Variants in SLC9A9 observed in about 807,000 individuals in gnomAD.
SLC9A9 encodes the protein solute carrier family 9 member A9, also known as sodium/hydrogen exchanger 9.
Under a neutral mutation model 77.8 loss-of-function variants are expected in SLC9A9, and 62 were observed. The observed-to-expected ratio is 0.80, with a 90% confidence interval of 0.65 to 0.98. The LOEUF is 0.98. Ranked by LOEUF, SLC9A9 falls within the 50% of genes least tolerant of loss-of-function variation. The pLI is 0.00. For missense variants in SLC9A9, 775 were observed against 774.9 expected (o/e 1.00, Z 0.00); for synonymous variants, 320 against 283.5 (o/e 1.13, Z -1.29).
intron 1 of SLC9A9, among the ~76,000 whole-genome samples, chr3:143,843,281 C>T (rs189621969): frequency 2.0e-5 from 3 of 152,184 alleles, no homozygotes; most frequent in Non-Finnish European, 2.9e-5. Flanking sequence ...TGTCCAACAA[C>T]CCAATTTAAT....
At chr3:143,449,841 T>TTA (rs1205742844) in intron 12 of SLC9A9, among the ~76,000 whole-genome samples, 1 of 15,430 alleles carries the variant, frequency 6.5e-5, no homozygotes, top group Non-Finnish European at 7.9e-5. Flanking sequence ...ATTATATGTA[T>TTA]TATATATATA....
intron 2 of SLC9A9, among the ~76,000 whole-genome samples, chr3:143,829,290 C>A (rs548627490): frequency 6.6e-6 from 1 of 152,200 alleles, no homozygotes; most frequent in South Asian, 2.1e-4. Flanking sequence ...ATCCTGGAAA[C>A]TTAGACTCTT....
intron 14 of SLC9A9, among the ~76,000 whole-genome samples, chr3:143,346,349 A>C (rs1003225498): frequency 4.6e-5 from 7 of 152,216 alleles, no homozygotes; most frequent in Non-Finnish European, 8.8e-5. Flanking sequence ...CATTATTCTT[A>C]ATGAAATAAA....
chr3:143,750,073 GAGAA>G (rs1456177640), intron 4 of SLC9A9, among the ~76,000 whole-genome samples: 5 of 152,168 alleles, frequency 3.3e-5, no homozygotes, highest in African/African-American at 1.2e-4. Context: ...GGCAGACACA[GAGAA>G]AGAGACAGAG....
chr3:143,837,068 G>A (rs1345872185), intron 1 of SLC9A9, among the ~76,000 whole-genome samples: 1 of 152,028 alleles, frequency 6.6e-6, no homozygotes, highest in Non-Finnish European at 1.5e-5. Flanking sequence ...TAAAAAATAG[G>A]GACTTACTTT....
intron 6 of SLC9A9, among the ~76,000 whole-genome samples, chr3:143,621,322 G>T (rs918657864): frequency 8.5e-5 from 13 of 152,202 alleles, no homozygotes; most frequent in Non-Finnish European, 1.9e-4. Flanking sequence ...GCCTCCTCAA[G>T]TGGGTCCCTG....
intron 12 of SLC9A9, among the ~76,000 whole-genome samples, chr3:143,439,809 G>A (rs2034694188): frequency 8.1e-6 from 1 of 123,950 alleles, no homozygotes; most frequent in Admixed American, 7.9e-5. Flanking sequence ...CTGGCAGGTG[G>A]GAAGGAGGTG....
At chr3:143,710,320 G>A (rs181810924) in intron 4 of SLC9A9, among the ~76,000 whole-genome samples, 6 of 152,292 alleles carry the variant, frequency 3.9e-5, no homozygotes, top group East Asian at 3.9e-4. Context: ...GCACGCACAC[G>A]CAGCTATCAG....
Position 143,418,913 on chromosome 3 carries a change from T to A in SLC9A9, c.1470-36799A>T, listed in dbSNP as rs149941212. Among the ~76,000 whole-genome samples the A allele has an allele frequency of 4.2e-3, 634 of 152,304 alleles. 5 individuals are homozygous for A. The highest frequency in any genetic ancestry group is 0.015 in the African/African-American group (603 of 41,562). ...TGTGTGCCCACTGTGTACTGAAGTC[T>A]GCTTTTATACACAATGATTGTGCCA... On this transcript the variant is annotated intron_variant, in intron 12 of 15. Transcript: ENST00000316549.
At chr3:143,342,769 A>T (rs1476383978) in intron 14 of SLC9A9, among the ~76,000 whole-genome samples, 2 of 152,194 alleles carry the variant, frequency 1.3e-5, no homozygotes, top group African/African-American at 4.8e-5. Context: ...CTATTGAGTG[A>T]TCTATTTAAT....
intron 14 of SLC9A9, among the ~76,000 whole-genome samples, chr3:143,357,401 T>G (rs1287224484): frequency 1.3e-5 from 2 of 152,080 alleles, no homozygotes; most frequent in African/African-American, 4.8e-5. Flanking sequence ...CTCCACATAG[T>G]GGGTAATCAA....
At chr3:143,392,577 C>G (rs190746862) in intron 12 of SLC9A9, among the ~76,000 whole-genome samples, 2 of 152,282 alleles carry the variant, frequency 1.3e-5, no homozygotes, top group East Asian at 3.9e-4. Context: ...ATCATAATGA[C>G]AGGATCAAAT....
At chr3:143,391,365 C>T (rs1304830555) in intron 12 of SLC9A9, among the ~76,000 whole-genome samples, 1 of 152,236 alleles carries the variant, frequency 6.6e-6, no homozygotes, top group Non-Finnish European at 1.5e-5. Flanking sequence ...CTCCAGCAAA[C>T]TCCAACAGAC....
chr3:143,586,625 G>T (rs1369187197), intron 6 of SLC9A9, among the ~76,000 whole-genome samples: 1 of 152,168 alleles, frequency 6.6e-6, no homozygotes, highest in African/African-American at 2.4e-5. Flanking sequence ...CCCTTTCTCA[G>T]ATAAGTTGCT....
At chr3:143,636,453 G>C (rs1466010499) in intron 6 of SLC9A9, among the ~76,000 whole-genome samples, 2 of 152,014 alleles carry the variant, frequency 1.3e-5, no homozygotes, top group African/African-American at 4.8e-5. Flanking sequence ...ATTTTATTTT[G>C]ATTTTCCCAG....
chr3:143,444,279 CCAG>C (rs1406029581), intron 12 of SLC9A9, among the ~76,000 whole-genome samples: 1 of 152,140 alleles, frequency 6.6e-6, no homozygotes, highest in Non-Finnish European at 1.5e-5. Context: ...AAATGTGAGG[CCAG>C]CCAATTGTAA....
chr3:143,641,451 T>C (rs1193565906), intron 6 of SLC9A9, among the ~76,000 whole-genome samples: 6 of 132,436 alleles, frequency 4.5e-5, no homozygotes, highest in Non-Finnish European at 9.3e-5. Flanking sequence ...CAGAGTGCAG[T>C]GGCGCAATCT....
intron 4 of SLC9A9, among the ~76,000 whole-genome samples, chr3:143,714,353 C>T (rs977157613): frequency 1.1e-4 from 16 of 152,206 alleles, no homozygotes; most frequent in Admixed American, 3.3e-4. Flanking sequence ...AATTCCCACC[C>T]AGAAAACTGA....
In SLC9A9 at chr3:143,705,334, G is replaced by T. The variant is rs180878372; in HGVS notation, c.534-12027C>A. ...GTGTGGAGGAGGGGAAGTGTGGATG[G>T]TTAATGGGTACAAAAAAAAGTTAGC... On this transcript the variant is annotated intron_variant, in intron 4 of 15. Coordinates refer to ENST00000316549, the MANE Select transcript of SLC9A9 (RefSeq NM_173653.4). Among the ~76,000 whole-genome samples, 653 of 152,076 alleles carry T rather than the reference G, an allele frequency of 4.3e-3. 9 individuals carry two copies. The highest frequency in any genetic ancestry group is 2.2e-3 in the Non-Finnish European group (151 of 68,002).
Sources: gnomAD v4.1 joint callset for allele counts (sites outside exome capture counted in the v4.1 genomes callset) on GRCh38, gnomAD v4.1.1 for gene constraint, MANE v1.5 for transcripts, NCBI Gene and HGNC (gene_info 2026-07-23, HGNC 2026-07-21) for gene names.